Variants in AFAP1L2 observed in about 807,000 individuals in gnomAD.
AFAP1L2 encodes actin filament associated protein 1 like 2.
In AFAP1L2, 46 loss-of-function variants were observed where a neutral mutation model predicts 99.3. The ratio of observed to expected loss-of-function variants is 0.46; its 90% CI spans 0.37 to 0.59. AFAP1L2 has a LOEUF of 0.59. Ranked by LOEUF, AFAP1L2 falls within the 20% of genes least tolerant of loss-of-function variation. The pLI, the probability that AFAP1L2 is intolerant of heterozygous loss-of-function variation, is 0.00. For synonymous variants in AFAP1L2, 397 were observed against 419.1 expected, an observed-to-expected ratio of 0.95 and a Z score of 0.64; for missense variants, 959 against 1,034.9, an observed-to-expected ratio of 0.93 and a Z score of 1.01.
intron 7 of AFAP1L2, among the ~76,000 whole-genome samples, chr10:114,313,413 A>T (rs1194893855): frequency 6.6e-6 from 1 of 151,818 alleles, no homozygotes; most frequent in Non-Finnish European, 1.5e-5. Context: ...CTGAGAACCA[A>T]TGCTGCCACC....
At chr10:114,360,786 T>C (rs908682380) in intron 1 of AFAP1L2, among the ~76,000 whole-genome samples, 7 of 152,212 alleles carry the variant, frequency 4.6e-5, no homozygotes, top group East Asian at 1.9e-4. Context: ...TTTATTCCAA[T>C]GAACATAGTT....
intron 1 of AFAP1L2, among the ~76,000 whole-genome samples, chr10:114,387,346 T>C (rs529263154): frequency 8.5e-5 from 13 of 152,336 alleles, no homozygotes; most frequent in African/African-American, 3.1e-4. Context: ...AAAAGACTAG[T>C]ACGTTTTCCA....
At chr10:114,330,553 G>A (rs1159250620) in intron 4 of AFAP1L2, among the ~76,000 whole-genome samples, 2 of 152,128 alleles carry the variant, frequency 1.3e-5, no homozygotes, top group East Asian at 1.9e-4. Context: ...ACACAGTGGT[G>A]GGGGGGCTGC....
At chr10:114,327,179 T>TATATATATATATATATATAA (rs2046495581) in intron 4 of AFAP1L2, among the ~76,000 whole-genome samples, 2 of 66,216 alleles carry the variant, frequency 3.0e-5, no homozygotes, top group Non-Finnish European at 8.6e-5. Context: ...ATATATTTTT[T>TATATATATATATATATATAA]TTTTAGGCAG....
downstream of AFAP1L2, among the ~76,000 whole-genome samples, chr10:114,293,700 C>T (rs112933381): frequency 6.6e-6 from 1 of 152,122 alleles, no homozygotes; most frequent in African/African-American, 2.4e-5. Flanking sequence ...CATAAATTTC[C>T]TTATTTTCTC....
chr10:114,366,026 G>T (rs1027137183), intron 1 of AFAP1L2, among the ~76,000 whole-genome samples: 18 of 152,042 alleles, frequency 1.2e-4, no homozygotes, highest in Admixed American at 3.3e-4. Flanking sequence ...ATGAGCCACT[G>T]CACCCAGCCC....
chr10:114,325,326 G>A (rs902672034), intron 4 of AFAP1L2, among the ~76,000 whole-genome samples: 3 of 152,188 alleles, frequency 2.0e-5, no homozygotes, highest in Non-Finnish European at 2.9e-5. Flanking sequence ...TGCAGGTTGC[G>A]CAGTGAGGGC....
At chr10:114,381,949 C>T (rs1217283702) in intron 1 of AFAP1L2, among the ~76,000 whole-genome samples, 1 of 152,036 alleles carries the variant, frequency 6.6e-6, no homozygotes, top group Non-Finnish European at 1.5e-5. Flanking sequence ...TATAAATTAT[C>T]AGGAAGAGAT....
the AFAP1L2 span, among the ~76,000 whole-genome samples, chr10:114,287,140 G>A: frequency 1.3e-5 from 2 of 152,178 alleles, no homozygotes; most frequent in Non-Finnish European, 2.9e-5. Flanking sequence ...CTGTCCCCAC[G>A]CAGAGGCCTG....
At chr10:114,368,997 C>T (rs574013566) in intron 1 of AFAP1L2, among the ~76,000 whole-genome samples, 45 of 152,188 alleles carry the variant, frequency 3.0e-4, no homozygotes, top group African/African-American at 9.6e-4. Context: ...GAGTTGGCCA[C>T]GGCAAAACTG....
chr10:114,370,569 C>A (rs2053955787), intron 1 of AFAP1L2, among the ~76,000 whole-genome samples: 1 of 152,180 alleles, frequency 6.6e-6, no homozygotes, highest in African/African-American at 2.4e-5. Flanking sequence ...TAAATCCTGC[C>A]CCGTGTATTT....
intron 12 of AFAP1L2, chr10:114,302,047 G>C (rs2041287790): frequency 2.6e-6 from 1 of 388,054 alleles, no homozygotes. Flanking sequence ...ACAAGTAGGA[G>C]GTCAGGAAAG....
At chr10:114,396,757 C>T (rs896113072) in intron 1 of AFAP1L2, among the ~76,000 whole-genome samples, 12 of 152,208 alleles carry the variant, frequency 7.9e-5, no homozygotes, top group African/African-American at 2.7e-4. Flanking sequence ...GAGTCTAATG[C>T]TCTTATATTC....
chr10:114,297,028 G>T lies in AFAP1L2; in HGVS notation c.2380C>A (p.Pro794Thr). ...VNSATTLKNR[P>T]LSVVVTGKGT... ...TTGCCTGTGACCACGACCGAGAGAG[G>T]CCTGTTCTTGAGTGTGGTTGCAGAG... Residue 794 changes from proline to threonine, a missense_variant, in exon 18 of 19, where the codon CCT becomes ACT. By Grantham distance (38) the Pro-to-Thr change is conservative. Coordinates refer to ENST00000304129, the MANE Select transcript of AFAP1L2 (RefSeq NM_001001936.3). 2 of 1,614,186 alleles carry T rather than the reference G, an allele frequency of 1.2e-6. No individual in the cohort carries two copies. The highest frequency in any genetic ancestry group is 1.7e-6 in the Non-Finnish European group (2 of 1,180,040).
intron 1 of AFAP1L2, among the ~76,000 whole-genome samples, chr10:114,372,922 T>C (rs7896823): frequency 0.18 from 27,892 of 152,254 alleles, 2,890 homozygotes; most frequent in African/African-American, 0.27. Context: ...CACTTGCTAA[T>C]GTGCCTTGGA....
At chr10:114,345,759 C>T (rs1350955414) in intron 1 of AFAP1L2, among the ~76,000 whole-genome samples, 3 of 152,238 alleles carry the variant, frequency 2.0e-5, no homozygotes, top group Non-Finnish European at 2.9e-5. Flanking sequence ...CCCTGCCCAT[C>T]AGTCCTTCAT....
chr10:114,317,213 AG>A lies in AFAP1L2; in HGVS notation c.407-1449del, dbSNP rs546019819. 1.2e-4 allele frequency among the ~76,000 whole-genome samples: 14 copies of A among 112,536 alleles called. No homozygotes were observed. The South Asian group carries it at 3.9e-3, about 31-fold the overall frequency. 73.8% of individuals were successfully genotyped at this position (112,536 alleles called of 152,430 possible). A position where few individuals can be genotyped will look rare whatever the true frequency, so the allele number is the denominator to read the frequency against. Reference sequence around the variant, plus strand: ...AAACAGAATATAGAAAAATGGGATGAGGCCTCTGCAATAGTTATTCTAGCAA... The same window carrying A: ...AAACAGAATATAGAAAAATGGGATGAGCCTCTGCAATAGTTATTCTAGCAA... On this transcript the variant is annotated intron_variant, in intron 5 of 18. Transcript: ENST00000304129.
intron 1 of AFAP1L2, among the ~76,000 whole-genome samples, chr10:114,384,423 C>T (rs541205422): frequency 6.6e-6 from 1 of 152,284 alleles, no homozygotes; most frequent in South Asian, 2.1e-4. Flanking sequence ...CCAAAGCCTC[C>T]ATTTAGGGCC....
chr10:114,324,159 G>T (rs1180025487), intron 4 of AFAP1L2, among the ~76,000 whole-genome samples: 5 of 152,158 alleles, frequency 3.3e-5, no homozygotes, highest in Admixed American at 1.3e-4. Flanking sequence ...ACAACCATGG[G>T]GGAGAAAAAG....
Sources: allele counts gnomAD v4.1 joint callset (sites outside exome capture counted in the v4.1 genomes callset), GRCh38; gene constraint gnomAD v4.1.1; transcripts MANE v1.5; gene names NCBI Gene and HGNC (gene_info 2026-07-23, HGNC 2026-07-21).